The following TMEM87A variants were observed in gnomAD, a reference collection of about 807,000 sequenced individuals.
The protein encoded by TMEM87A is Golgi-pH regulating cation channel.
TMEM87A carries 50 observed loss-of-function variants against 90.0 expected under a neutral mutation model. That is an observed-to-expected ratio of 0.56 (90% confidence interval 0.44 to 0.70). The LOEUF is 0.70. Among genes scored for constraint, TMEM87A ranks in the 30% least tolerant of loss-of-function variants. The pLI is 0.00. For missense variants in TMEM87A, 577 were observed against 660.5 expected, an observed-to-expected ratio of 0.87 and a Z score of 1.39; for synonymous variants, 226 against 226.7, an observed-to-expected ratio of 1.00 and a Z score of 0.03.
In TMEM87A at chr15:42,266,598, C is replaced by T. The variant is rs74490786; in HGVS notation, c.291+1349G>A. Among the ~76,000 whole-genome samples the T allele has an allele frequency of 2.0e-5, 3 of 151,914 alleles. No individual in the cohort carries two copies. The East Asian group carries it at 5.8e-4, about 29-fold the overall frequency. ...ATTACAAAAGCAATAGTGGGTAAAA[C>T]TGTTGCCCCTTATCAGGAACTAAGG... On this transcript the variant is annotated intron_variant, in intron 3 of 19. Transcript: ENST00000389834.
intron 15 of TMEM87A, among the ~76,000 whole-genome samples, chr15:42,222,395 G>C (rs2050506933): frequency 6.6e-6 from 1 of 152,108 alleles, no homozygotes; most frequent in Non-Finnish European, 1.5e-5. Flanking sequence ...GTATGCAGCT[G>C]AGCCTGCACT....
At chr15:42,233,643 C>T (rs555627149) in intron 10 of TMEM87A, among the ~76,000 whole-genome samples, 140 of 152,296 alleles carry the variant, frequency 9.2e-4, no homozygotes, top group African/African-American at 3.2e-3. Flanking sequence ...CATGCATACC[C>T]CATCCCCTTT....
At chr15:42,261,052 T>C in intron 5 of TMEM87A, 50 bp from the exon 6 acceptor site, 1 of 1,572,498 alleles carries the variant, frequency 6.4e-7, no homozygotes, top group South Asian at 1.2e-5. Context: ...TTCTTGTTTT[T>C]AGCTGCCCAA....
At chr15:42,256,729 G>T (rs1342113528) in intron 6 of TMEM87A, among the ~76,000 whole-genome samples, 1 of 152,098 alleles carries the variant, frequency 6.6e-6, no homozygotes, top group Non-Finnish European at 1.5e-5. Flanking sequence ...TTTTGCTGTT[G>T]TTTTTGTTTT....
Position 42,234,488 on chromosome 15 carries a change from T to C in TMEM87A, c.969-1182A>G, listed in dbSNP as rs148551021. On this transcript the variant is annotated intron_variant, in intron 10 of 19. Coordinates refer to ENST00000389834, the MANE Select transcript of TMEM87A (RefSeq NM_015497.5). ...GAAACCTAGAATACTTCCTGGCATA[T>C]AGGAGGCACTCAAATAATTGTTAAA... Among the ~76,000 whole-genome samples, 403 of 152,342 alleles carry C rather than the reference T, an allele frequency of 2.6e-3. 3 individuals carry two copies. The highest frequency in any genetic ancestry group is 7.7e-3 in the African/African-American group (320 of 41,584).
intron 15 of TMEM87A, chr15:42,224,601 A>C (rs891132337): frequency 2.0e-5 from 3 of 152,238 alleles, no homozygotes; most frequent in Admixed American, 6.5e-5. Flanking sequence ...CCTTCTAGTA[A>C]ATCACTGAAC....
intron 9 of TMEM87A, 115 bp downstream of exon 9, chr15:42,237,317 T>C (rs2050786893): frequency 4.1e-6 from 4 of 981,670 alleles, no homozygotes; most frequent in African/African-American, 3.3e-5. Flanking sequence ...TAAGATATTG[T>C]AATAATTAAG....
At chr15:42,244,541 A>C (rs544951775) in intron 6 of TMEM87A, among the ~76,000 whole-genome samples, 1 of 151,792 alleles carries the variant, frequency 6.6e-6, no homozygotes, top group Non-Finnish European at 1.5e-5. Context: ...CACCTTAAAC[A>C]AAACTTAATG....
intron 3 of TMEM87A, among the ~76,000 whole-genome samples, chr15:42,266,205 C>T (rs1449180646): frequency 3.9e-5 from 6 of 152,132 alleles, no homozygotes; most frequent in Non-Finnish European, 8.8e-5. Flanking sequence ...AAAGTGTGGC[C>T]GTTGAACCAT....
intron 6 of TMEM87A, among the ~76,000 whole-genome samples, chr15:42,249,194 G>A (rs967382486): frequency 6.6e-6 from 1 of 151,986 alleles, no homozygotes; most frequent in Admixed American, 6.6e-5. Flanking sequence ...TATTAGTCTT[G>A]CTAGAGGTCT....
In TMEM87A at chr15:42,234,576, T is replaced by C. The variant is rs561582526; in HGVS notation, c.969-1270A>G. 3.1e-4 allele frequency among the ~76,000 whole-genome samples: 47 copies of C among 152,352 alleles called. No individual in the cohort carries two copies. In the South Asian group the frequency reaches 9.7e-3, roughly 32 times the overall value. On this transcript the variant is annotated intron_variant, in intron 10 of 19. Transcript: ENST00000389834. ...AATCCCATTTAAAGCAAAACTCCTT[T>C]AATTGAATAAACAAACTTAAAACAA...
At chr15:42,252,888 T>TA (rs2051111670) in intron 6 of TMEM87A, among the ~76,000 whole-genome samples, 1 of 152,222 alleles carries the variant, frequency 6.6e-6, no homozygotes, top group South Asian at 2.1e-4. Context: ...CTGAATGTTA[T>TA]AAAGTGGCAA....
Position 42,228,789 on chromosome 15 carries a change from A to G in TMEM87A, c.1163T>C (p.Leu388Pro), listed in dbSNP as rs1393523363. 5 of 1,604,624 alleles carry G rather than the reference A, an allele frequency of 3.1e-6. No individual in the cohort carries two copies. The highest frequency in any genetic ancestry group is 2.2e-5 in the East Asian group (1 of 44,832). Residue 388 changes from leucine (L) to proline (P), a missense_variant, in exon 13 of 20, where the codon CTA becomes CCA. Leu to Pro is a moderately conservative substitution (Grantham distance 98). Transcript: ENST00000389834. The stretch of plus-strand genomic sequence containing the variant: ...TACAATGTTCCTCCGAAGTTTTAAT[A>G]GCTTCATTGTTTGAGTCAGGCTAAT... ...IFISLTQTMK[L>P]LKLRRNIVKL...
chr15:42,248,303 T>C (rs968078864), intron 6 of TMEM87A, among the ~76,000 whole-genome samples: 1 of 152,160 alleles, frequency 6.6e-6, no homozygotes, highest in Non-Finnish European at 1.5e-5. Context: ...GCCCTGGCCA[T>C]TACTTCCAAC....
intron 6 of TMEM87A, among the ~76,000 whole-genome samples, chr15:42,246,310 T>C (rs1251958598): frequency 6.6e-6 from 1 of 152,238 alleles, no homozygotes; most frequent in East Asian, 1.9e-4. Context: ...TTGTTTTTTT[T>C]TATACCTTAA....
chr15:42,238,621 C>T (rs889853132), intron 8 of TMEM87A, among the ~76,000 whole-genome samples: 17 of 151,876 alleles, frequency 1.1e-4, no homozygotes, highest in African/African-American at 2.7e-4. Context: ...TAGTGGCACA[C>T]GCCTGTTGTC....
intron 6 of TMEM87A, chr15:42,258,994 G>A (rs1167794972): frequency 6.0e-6 from 5 of 830,572 alleles, no homozygotes; most frequent in Non-Finnish European, 1.0e-5. Context: ...TCTGAATCTA[G>A]GAAAGAAAAG....
intron 6 of TMEM87A, among the ~76,000 whole-genome samples, chr15:42,251,279 C>T (rs749430679): frequency 3.9e-5 from 6 of 152,172 alleles, no homozygotes; most frequent in African/African-American, 1.2e-4. Context: ...AGCTTTGTTC[C>T]GTTGCTCGCG....
At chr15:42,255,015 A>C (rs993188819) in intron 6 of TMEM87A, among the ~76,000 whole-genome samples, 2 of 144,684 alleles carry the variant, frequency 1.4e-5, no homozygotes, top group Non-Finnish European at 3.0e-5. Flanking sequence ...CTTAGACTGG[A>C]GTACAGTGGC....
Sources: gnomAD v4.1 joint callset for allele counts (sites outside exome capture counted in the v4.1 genomes callset) on GRCh38, gnomAD v4.1.1 for gene constraint, MANE v1.5 for transcripts, NCBI Gene and HGNC (gene_info 2026-07-23, HGNC 2026-07-21) for gene names.